Variants in ZNF407 observed in about 807,000 individuals in gnomAD.
ZNF407 encodes zinc finger protein 407.
In ZNF407, 17 loss-of-function variants were observed where a neutral mutation model predicts 131.2. The observed-to-expected ratio is 0.13, with a 90% confidence interval of 0.09 to 0.19. ZNF407 has a LOEUF of 0.19. Among genes scored for constraint, ZNF407 ranks in the 10% least tolerant of loss-of-function variants. The pLI, the probability that ZNF407 is intolerant of heterozygous loss-of-function variation, is 1.00. For missense variants in ZNF407, 2,681 were observed against 2,830.6 expected, an observed-to-expected ratio of 0.95 and a Z score of 1.20; for synonymous variants, 1,156 against 1,062.0, an observed-to-expected ratio of 1.09 and a Z score of -1.72.
At chr18:74,899,678 G>A (rs1281731018) in intron 7 of ZNF407, among the ~76,000 whole-genome samples, 2 of 152,212 alleles carry the variant, frequency 1.3e-5, no homozygotes, top group Non-Finnish European at 2.9e-5. Flanking sequence ...ATGGGAGACA[G>A]AGAAGCAGGC....
At chr18:75,009,520 T>G (rs183046860) in intron 8 of ZNF407, among the ~76,000 whole-genome samples, 2 of 152,262 alleles carry the variant, frequency 1.3e-5, no homozygotes, top group Admixed American at 1.3e-4. Context: ...ATTAATGCAG[T>G]GAAGTAACCG....
At chr18:74,785,803 C>T (rs932128624) in intron 4 of ZNF407, among the ~76,000 whole-genome samples, 17 of 151,368 alleles carry the variant, frequency 1.1e-4, no homozygotes, top group Non-Finnish European at 2.2e-4. Context: ...ACATGGCACA[C>T]ACAGCATGTA....
chr18:74,633,458 G>A lies in ZNF407; in HGVS notation c.2439G>A (p.Lys813=), dbSNP rs780041277. ...VQLQEHSYLE[K]GMLASEELSQ... is the part of the protein sequence containing the mutation. The stretch of plus-strand genomic sequence containing the variant: ...TACAAGAGCATTCCTATCTTGAGAA[G>A]GGCATGCTGGCGTCTGAGGAACTGT... The change falls in exon 2 of 9, where the codon AAG becomes AAA. Residue 813 remains lysine (K), a synonymous_variant. Coordinates refer to ENST00000299687, the MANE Select transcript of ZNF407 (RefSeq NM_017757.3). The A allele has an allele frequency of 3.7e-6, 6 of 1,613,984 alleles. No homozygotes were observed. The highest frequency in any genetic ancestry group is 4.5e-5 in the East Asian group (2 of 44,890).
intron 3 of ZNF407, among the ~76,000 whole-genome samples, chr18:74,780,559 A>G (rs184324288): frequency 3.3e-5 from 5 of 152,312 alleles, no homozygotes; most frequent in Non-Finnish European, 7.4e-5. Flanking sequence ...TTCAGCTATT[A>G]GTAATTAACT....
chr18:75,029,926 A>G (rs879903977), intron 8 of ZNF407, among the ~76,000 whole-genome samples: 4 of 152,242 alleles, frequency 2.6e-5, no homozygotes, highest in Non-Finnish European at 2.9e-5. Flanking sequence ...AACGTTATGA[A>G]GAACGTGTGT....
At chr18:74,680,145 C>A (rs998234780) in intron 3 of ZNF407, among the ~76,000 whole-genome samples, 1 of 152,118 alleles carries the variant, frequency 6.6e-6, no homozygotes, top group African/African-American at 2.4e-5. Context: ...AATCCCAGAA[C>A]TTTGGGAGGT....
At chr18:74,650,798 G>A (rs1354048405) in intron 3 of ZNF407, among the ~76,000 whole-genome samples, 1 of 152,156 alleles carries the variant, frequency 6.6e-6, no homozygotes, top group Admixed American at 6.5e-5. Flanking sequence ...TTATAGTAAT[G>A]TCATAACAGT....
rs144410487 is a variant in ZNF407, at chr18:75,041,520, T to C, written c.5429-21630T>C. Among the ~76,000 whole-genome samples, 65 of 151,646 alleles carry C rather than the reference T, an allele frequency of 4.3e-4. 1 individual carries two copies. Among genetic ancestry groups the C allele is most frequent in the African/African-American group, 1.6e-3 (65 of 41,294 alleles). ...CAAGCAATACCTTGAAATCCACTCC[T>C]ACGATGTCTTTTTAGCCATGAGATC... On this transcript the variant is annotated intron_variant, in intron 8 of 8. Transcript: ENST00000299687.
intron 3 of ZNF407, among the ~76,000 whole-genome samples, chr18:74,696,944 T>A (rs1967373284): frequency 1.3e-5 from 2 of 152,298 alleles, no homozygotes; most frequent in Non-Finnish European, 2.9e-5. Flanking sequence ...AAAACACAGT[T>A]AGAAAACATC....
At chr18:74,625,468 C>T (rs1225562329) in intron 1 of ZNF407, among the ~76,000 whole-genome samples, 2 of 152,096 alleles carry the variant, frequency 1.3e-5, no homozygotes, top group East Asian at 1.9e-4. Context: ...AAGGGACAGT[C>T]GTGCACTGCA....
At chr18:74,982,419 A>T (rs1365593623) in intron 8 of ZNF407, among the ~76,000 whole-genome samples, 3 of 152,188 alleles carry the variant, frequency 2.0e-5, no homozygotes, top group Non-Finnish European at 4.4e-5. Flanking sequence ...AAAATCCAAT[A>T]ATTATTATTG....
intron 4 of ZNF407, among the ~76,000 whole-genome samples, chr18:74,794,135 C>A (rs1278886644): frequency 1.3e-5 from 2 of 152,212 alleles, no homozygotes; most frequent in African/African-American, 2.4e-5. Flanking sequence ...GGGCTGTTTT[C>A]TCTCCGGGTG....
In ZNF407 at chr18:74,931,511, C is replaced by A. The variant is rs534751174; in HGVS notation, c.5428+10819C>A. On this transcript the variant is annotated intron_variant, in intron 8 of 8. Transcript: ENST00000299687. ...AAATAAAAACCACAGTGAAATTCCACAGCTAGGGTTTTTATTCTTTTTGGC... is the reference window on the plus strand; with the variant it reads ...AAATAAAAACCACAGTGAAATTCCAAAGCTAGGGTTTTTATTCTTTTTGGC... Among the ~76,000 whole-genome samples, 4 of 152,240 alleles carry A rather than the reference C, an allele frequency of 2.6e-5. No homozygotes were observed. In the South Asian group the frequency reaches 8.3e-4, roughly 32 times the overall value.
At chr18:74,755,236 A>G (rs1163224237) in intron 3 of ZNF407, among the ~76,000 whole-genome samples, 2 of 151,108 alleles carry the variant, frequency 1.3e-5, no homozygotes, top group South Asian at 2.1e-4. Flanking sequence ...TTTTGAGCCT[A>G]TTTGTGTCTC....
chr18:74,968,535 C>T (rs1441925556), intron 8 of ZNF407, among the ~76,000 whole-genome samples: 2 of 152,028 alleles, frequency 1.3e-5, no homozygotes, highest in Non-Finnish European at 2.9e-5. Context: ...TTTTTATTTC[C>T]TCTTCACACC....
intron 3 of ZNF407, among the ~76,000 whole-genome samples, chr18:74,682,674 T>G (rs1967011727): frequency 6.6e-6 from 1 of 152,232 alleles, no homozygotes; most frequent in Non-Finnish European, 1.5e-5. Context: ...TTATTTGATG[T>G]AACATAAGAA....
chr18:74,810,184 G>A (rs1202174740), intron 4 of ZNF407, among the ~76,000 whole-genome samples: 1 of 152,156 alleles, frequency 6.6e-6, no homozygotes, highest in East Asian at 1.9e-4. Context: ...GTGGGAAAGG[G>A]AGAGAGAGAT....
chr18:74,744,735 G>A (rs1968627562), intron 3 of ZNF407, among the ~76,000 whole-genome samples: 1 of 151,652 alleles, frequency 6.6e-6, no homozygotes, highest in Non-Finnish European at 1.5e-5. Flanking sequence ...GCCACAATGT[G>A]ATACCATTTT....
chr18:74,708,148 T>TAC (rs1344704167), intron 3 of ZNF407, among the ~76,000 whole-genome samples: 1 of 152,204 alleles, frequency 6.6e-6, no homozygotes, highest in Non-Finnish European at 1.5e-5. Flanking sequence ...CCAAACTGGG[T>TAC]ACTGTCTATA....
Sources: gnomAD v4.1 joint callset for allele counts (sites outside exome capture counted in the v4.1 genomes callset) on GRCh38, gnomAD v4.1.1 for gene constraint, MANE v1.5 for transcripts, NCBI Gene and HGNC (gene_info 2026-07-23, HGNC 2026-07-21) for gene names.